The following PALD1 variants were observed in gnomAD, a reference collection of about 807,000 sequenced individuals.
The protein encoded by PALD1 is phosphatase domain containing paladin 1, also known as paladin.
Under a neutral mutation model 96.0 loss-of-function variants are expected in PALD1, and 57 were observed. The observed-to-expected ratio is 0.59, with a 90% CI of 0.48 to 0.74. The LOEUF (loss-of-function observed/expected upper bound fraction) is 0.74, where lower values mean the gene tolerates loss of function less well. Among genes scored for constraint, PALD1 ranks in the 30% least tolerant of loss-of-function variants. The probability of loss-of-function intolerance (pLI) is 0.00; values close to 1 mark genes in which losing one functional copy is unlikely to be tolerated. For synonymous variants in PALD1, 464 were observed against 473.6 expected, an observed-to-expected ratio of 0.98 and a Z score of 0.26; for missense variants, 1,063 against 1,143.7, an observed-to-expected ratio of 0.93 and a Z score of 1.02.
chr10:70,512,161 A>G lies in PALD1; in HGVS notation c.-29-13762A>G, dbSNP rs189205161. The stretch of plus-strand genomic sequence containing the variant: ...CATGAGTTTTGGAGGGGCCATTCAA[A>G]CCATAGCAGTACTGTTAGCCTGTTA... On this transcript the variant is annotated intron_variant, in intron 1 of 19. Coordinates refer to ENST00000263563, the MANE Select transcript of PALD1 (RefSeq NM_014431.3). Among the ~76,000 whole-genome samples, 189 of 152,340 alleles carry G rather than the reference A, an allele frequency of 1.2e-3. 2 individuals carry two copies. Among genetic ancestry groups the G allele is most frequent in the African/African-American group, 4.4e-3 (185 of 41,590 alleles).
chr10:70,567,091 T>C lies in PALD1; in HGVS notation c.*358T>C. 5.0e-6 allele frequency: 1 copy of C among 199,914 alleles called. No homozygotes were observed. The highest frequency in any genetic ancestry group is 1.0e-5 in the Non-Finnish European group (1 of 99,934). 12.4% of individuals were successfully genotyped at this position (199,914 alleles called of 1,614,324 possible). The stretch of plus-strand genomic sequence containing the variant: ...CACTGTGGATCTCTCTGTCCTCTTC[T>C]CCCCTCTCTCAGATTGGCCTGGCAG... On this transcript the variant is annotated 3_prime_UTR_variant, in exon 20 of 20. Coordinates refer to ENST00000263563, the MANE Select transcript of PALD1 (RefSeq NM_014431.3).
At chr10:70,521,429 A>G (rs1846733987) in intron 1 of PALD1, among the ~76,000 whole-genome samples, 2 of 152,210 alleles carry the variant, frequency 1.3e-5, no homozygotes, top group Non-Finnish European at 2.9e-5. Flanking sequence ...CAAGGTGCCC[A>G]GCGCTTCATG....
chr10:70,464,280 T>C, the PALD1 span, among the ~76,000 whole-genome samples: 2 of 150,012 alleles, frequency 1.3e-5, no homozygotes, highest in African/African-American at 4.9e-5. Context: ...GGCACAATCT[T>C]GGCTCACTGC....
Position 70,566,580 on chromosome 10 carries a change from G to A in PALD1, c.2419-1G>A. ...TGCTCCTGCCTCTGCTCTCCTCCCA[G>A]GTGGCATCGAAGGCTGGCATCTACG... On this transcript the variant is annotated splice_acceptor_variant, in intron 19 of 19. Coordinates refer to ENST00000263563, the MANE Select transcript of PALD1 (RefSeq NM_014431.3). LOFTEE classifies it high-confidence loss of function. 6.2e-7 allele frequency: 1 copy of A among 1,606,862 alleles called. No homozygotes were observed. Among genetic ancestry groups the A allele is most frequent in the Non-Finnish European group, 8.5e-7 (1 of 1,176,840 alleles).
In PALD1 at chr10:70,540,460, T is replaced by C. The variant is rs564455493; in HGVS notation, c.1909-642T>C. 2.0e-5 allele frequency among the ~76,000 whole-genome samples: 3 copies of C among 151,940 alleles called. No individual in the cohort carries two copies. Among genetic ancestry groups the C allele is most frequent in the African/African-American group, 7.3e-5 (3 of 41,344 alleles). ...CTGTAGGTCTGTGACTGTGGGTGTC[T>C]GTATAGTGTGTGTGTTTACCGGACG... On this transcript the variant is annotated intron_variant, in intron 15 of 19. Coordinates refer to ENST00000263563, the MANE Select transcript of PALD1 (RefSeq NM_014431.3). The surrounding 1 kb of genome is among the most constrained non-coding windows in gnomAD (Gnocchi z 4.2).
intron 18 of PALD1, among the ~76,000 whole-genome samples, chr10:70,556,269 G>A (rs115364529): frequency 0.019 from 1,917 of 98,438 alleles, 48 homozygotes; most frequent in African/African-American, 0.072. Flanking sequence ...CATGTTCTCA[G>A]TAGCCGAGAC....
intron 18 of PALD1, 82 bp from the exon 19 acceptor site, chr10:70,564,282 A>G: frequency 7.2e-7 from 1 of 1,393,634 alleles, no homozygotes; most frequent in Non-Finnish European, 9.8e-7. Context: ...CTGCCCTGGC[A>G]CTCAGGGCAG....
the PALD1 span, among the ~76,000 whole-genome samples, chr10:70,470,593 AAAT>A: frequency 2.0e-5 from 3 of 147,900 alleles, no homozygotes; most frequent in Non-Finnish European, 4.5e-5. Flanking sequence ...ATTATATAAT[AAAT>A]AATATTATTT....
intron 5 of PALD1, among the ~76,000 whole-genome samples, chr10:70,532,264 A>G (rs74139679): frequency 1.2e-3 from 188 of 152,282 alleles, no homozygotes; most frequent in African/African-American, 4.3e-3. Flanking sequence ...AACCGAGGCC[A>G]TGCCGGCGCC....
At chr10:70,558,491 T>C (rs4747052) in intron 18 of PALD1, among the ~76,000 whole-genome samples, 150,999 of 152,254 alleles carry the variant, frequency 0.99, 74,895 homozygotes, top group East Asian at 1. Context: ...GGAGATGCCA[T>C]ACAAAGGGCA....
At chr10:70,555,773 G>A (rs181319622) in intron 18 of PALD1, among the ~76,000 whole-genome samples, 2 of 152,166 alleles carry the variant, frequency 1.3e-5, no homozygotes, top group Admixed American at 6.5e-5. Flanking sequence ...AGGCTGAGGC[G>A]GGCGGATCAC....
chr10:70,538,213 G>T (rs1185893895), intron 11 of PALD1, 67 bp from the exon 12 acceptor site: 24 of 1,537,712 alleles, frequency 1.6e-5, no homozygotes, highest in Non-Finnish European at 2.0e-5. Flanking sequence ...CTGCCATGGT[G>T]TGGGCAGGGA....
chr10:70,459,600 T>A, the PALD1 span, among the ~76,000 whole-genome samples: 3 of 152,196 alleles, frequency 2.0e-5, no homozygotes, highest in Admixed American at 6.5e-5. Context: ...GACCTTTGCA[T>A]GAGTCTTGGC....
intron 1 of PALD1, among the ~76,000 whole-genome samples, chr10:70,498,679 C>A (rs1050925993): frequency 6.6e-6 from 1 of 151,814 alleles, no homozygotes; most frequent in Non-Finnish European, 1.5e-5. Flanking sequence ...GTAATCCCAG[C>A]ACTTTGGGAG....
chr10:70,532,826 C>G, intron 6 of PALD1, 45 bp downstream of exon 6: 1 of 1,601,160 alleles, frequency 6.2e-7, no homozygotes, highest in Non-Finnish European at 8.5e-7. Flanking sequence ...TGCTCCAGGT[C>G]CTGCTCTCCA....
intron 1 of PALD1, among the ~76,000 whole-genome samples, chr10:70,515,054 C>G (rs1846592224): frequency 6.6e-6 from 1 of 152,226 alleles, no homozygotes. Context: ...GGCCCCCAGT[C>G]TTTGGTGCCT....
intron 1 of PALD1, among the ~76,000 whole-genome samples, chr10:70,513,902 G>A (rs557983130): frequency 9.2e-5 from 14 of 152,272 alleles, no homozygotes; most frequent in African/African-American, 2.9e-4. Flanking sequence ...GCCCACACCC[G>A]GTGACCCAGG....
At chr10:70,525,024 T>C (rs923428291) in intron 1 of PALD1, among the ~76,000 whole-genome samples, 23 of 152,098 alleles carry the variant, frequency 1.5e-4, no homozygotes, top group African/African-American at 5.3e-4. Flanking sequence ...TTTTTTGAGA[T>C]AGAGTCTCAC....
At chr10:70,563,651 G>A (rs1847785289) in intron 18 of PALD1, among the ~76,000 whole-genome samples, 1 of 152,208 alleles carries the variant, frequency 6.6e-6, no homozygotes, top group Non-Finnish European at 1.5e-5. Context: ...GGGGATCTGA[G>A]GGCTTTATGT....
Sources: allele counts gnomAD v4.1 joint callset (sites outside exome capture counted in the v4.1 genomes callset), GRCh38; gene constraint gnomAD v4.1.1; non-coding constraint Gnocchi (gnomAD v3.1); transcripts MANE v1.5; gene names NCBI Gene and HGNC (gene_info 2026-07-23, HGNC 2026-07-21).